CSMD1: variants seen among roughly 807,000 people sequenced by gnomAD.
The protein encoded by CSMD1 is CUB and Sushi multiple domains 1, also known as CUB and sushi domain-containing protein 1.
CSMD1 carries 213 observed loss-of-function variants against 417.5 expected under a neutral mutation model. The observed-to-expected ratio is 0.51, with a 90% CI of 0.46 to 0.57. The LOEUF is 0.57. Among genes scored for constraint, CSMD1 ranks in the 20% least tolerant of loss-of-function variants. The probability of loss-of-function intolerance (pLI) is 0.00; values close to 1 mark genes in which losing one functional copy is unlikely to be tolerated. For missense variants in CSMD1, 6,923 were observed against 4,529.7 expected (o/e 1.53, Z -15.17); for synonymous variants, 2,862 against 1,736.8 (o/e 1.65, Z -16.11).
chr8:4,451,799 T>C (rs13278962), intron 2 of CSMD1, among the ~76,000 whole-genome samples: 34,509 of 151,954 alleles, frequency 0.23, 4,352 homozygotes, highest in Middle Eastern at 0.32. Context: ...CACAATGCCA[T>C]CTTAAAGGAT....
chr8:3,517,167 T>A (rs989761769), intron 10 of CSMD1, among the ~76,000 whole-genome samples: 1 of 152,292 alleles, frequency 6.6e-6, no homozygotes, highest in East Asian at 1.9e-4. Context: ...TCATCCCTTC[T>A]CATGCCTGTC....
intron 3 of CSMD1, among the ~76,000 whole-genome samples, chr8:4,180,931 T>G (rs966399613): frequency 6.6e-6 from 1 of 152,188 alleles, no homozygotes; most frequent in Non-Finnish European, 1.5e-5. Context: ...GTGCCAAAAT[T>G]GCCCCACTCT....
intron 2 of CSMD1, among the ~76,000 whole-genome samples, chr8:4,518,297 G>A (rs951408666): frequency 2.0e-5 from 3 of 152,116 alleles, no homozygotes; most frequent in Non-Finnish European, 4.4e-5. Flanking sequence ...GCAGCAGAGT[G>A]AGGTAAAAGC....
intron 7 of CSMD1, among the ~76,000 whole-genome samples, chr8:3,682,082 A>C (rs1799693497): frequency 6.6e-6 from 1 of 152,212 alleles, no homozygotes; most frequent in African/African-American, 2.4e-5. Flanking sequence ...TAAAATCGTA[A>C]AAACCCTAGA....
intron 12 of CSMD1, among the ~76,000 whole-genome samples, chr8:3,448,454 GAGCAAAGA>G (rs1469692895): frequency 5.3e-5 from 8 of 151,606 alleles, no homozygotes; most frequent in Admixed American, 3.9e-4. Flanking sequence ...GACTGTGGAG[GAGCAAAGA>G]AGAGATGTTC....
intron 1 of CSMD1, among the ~76,000 whole-genome samples, chr8:4,824,546 A>G (rs1205096695): frequency 6.6e-6 from 1 of 152,194 alleles, no homozygotes; most frequent in Non-Finnish European, 1.5e-5. Flanking sequence ...AGTTCTATTA[A>G]TAATTACACC....
At chr8:3,944,080 T>C (rs945254047) in intron 5 of CSMD1, among the ~76,000 whole-genome samples, 1 of 152,140 alleles carries the variant, frequency 6.6e-6, no homozygotes, top group African/African-American at 2.4e-5. Context: ...AAGAAAAATA[T>C]ACAGTGAGAA....
chr8:4,374,966 G>GGGGA (rs1802634334), intron 3 of CSMD1, among the ~76,000 whole-genome samples: 2 of 129,462 alleles, frequency 1.5e-5, no homozygotes, highest in African/African-American at 5.4e-5. Context: ...TGGGGTGGGG[G>GGGGA]GGGGGGGCGA....
At position 4,031,934 on chromosome 8, in the gene CSMD1, G is replaced by C. The variant is rs182008127; in HGVS notation, c.581C>G (p.Ser194Trp). The part of the protein sequence containing the change: ...TCIVSPGNGA[S>W]WDFPAPFCRA... ...GCAAAAGGGAGCTGGGAAGTCCCAC[G>C]ATGCACCATTTCCTGGGCTGACGAT... The change falls in exon 4 of 70, where the codon TCG becomes TGG. Residue 194 changes from serine to tryptophan, a missense_variant. Ser to Trp is a radical substitution (Grantham distance 177). Transcript: ENST00000635120. 3.1e-6 allele frequency: 5 copies of C among 1,613,792 alleles called. No homozygotes were observed. The highest frequency in any genetic ancestry group is 2.2e-5 in the South Asian group (2 of 91,066).
At chr8:3,473,977 C>A (rs1305845291) in intron 11 of CSMD1, among the ~76,000 whole-genome samples, 1 of 152,058 alleles carries the variant, frequency 6.6e-6, no homozygotes, top group Non-Finnish European at 1.5e-5. Flanking sequence ...ACCATCAGAT[C>A]TAGTAAAAAC....
At chr8:3,991,322 T>C (rs1471431931) in intron 5 of CSMD1, among the ~76,000 whole-genome samples, 2 of 152,206 alleles carry the variant, frequency 1.3e-5, no homozygotes, top group African/African-American at 4.8e-5. Context: ...GGTACCTAGG[T>C]TGTGGCGTAG....
At chr8:3,429,737 A>G (rs1165429723) in intron 12 of CSMD1, among the ~76,000 whole-genome samples, 5 of 152,180 alleles carry the variant, frequency 3.3e-5, no homozygotes, top group Non-Finnish European at 7.3e-5. Context: ...TTTCAGCGTA[A>G]AATTTTCTAT....
chr8:3,600,475 A>C lies in CSMD1; in HGVS notation c.1098-14215T>G, dbSNP rs560813716. ...AGGGTCAAGTGTATCAGAATCATTC[A>C]GGGTTGATTGGAAAAGGGACGCCAA... is the stretch of plus-strand genomic sequence containing the variant. On this transcript the variant is annotated intron_variant, in intron 8 of 69. Coordinates refer to ENST00000635120, the MANE Select transcript of CSMD1 (RefSeq NM_033225.6). Among the ~76,000 whole-genome samples, 17 of 152,334 alleles carry C rather than the reference A, an allele frequency of 1.1e-4. No homozygotes were observed. The East Asian group carries it at 2.9e-3, about 26-fold the overall frequency.
At chr8:4,371,657 A>G (rs557446462) in intron 3 of CSMD1, among the ~76,000 whole-genome samples, 13 of 152,342 alleles carry the variant, frequency 8.5e-5, no homozygotes, top group South Asian at 2.1e-4. Context: ...CTTACGTCTT[A>G]AAGTTCTTAT....
intron 3 of CSMD1, among the ~76,000 whole-genome samples, chr8:4,042,010 G>A (rs986911863): frequency 6.6e-5 from 10 of 151,920 alleles, no homozygotes; most frequent in African/African-American, 2.4e-4. Flanking sequence ...GCAAAACTAA[G>A]AGCACAGAGA....
At chr8:3,407,579 A>G (rs1812432654) in intron 14 of CSMD1, among the ~76,000 whole-genome samples, 1 of 152,008 alleles carries the variant, frequency 6.6e-6, no homozygotes. Flanking sequence ...TGGTGGGTGC[A>G]TGGATGGATA....
At chr8:4,296,137 G>A (rs771947210) in intron 3 of CSMD1, among the ~76,000 whole-genome samples, 3 of 152,058 alleles carry the variant, frequency 2.0e-5, no homozygotes, top group Admixed American at 1.3e-4. Context: ...AATAAGAAGC[G>A]AAAATGGAAG....
intron 3 of CSMD1, among the ~76,000 whole-genome samples, chr8:4,126,317 G>A (rs185615533): frequency 6.6e-6 from 1 of 152,296 alleles, no homozygotes; most frequent in South Asian, 2.1e-4. Context: ...AATTGGCTCT[G>A]TCTGGGCAGG....
chr8:3,431,770 T>G (rs1499691), intron 12 of CSMD1, among the ~76,000 whole-genome samples: 105,796 of 152,008 alleles, frequency 0.7, 37,210 homozygotes, highest in Non-Finnish European at 0.75. Context: ...GTTCAATGAC[T>G]TTGAAAATTT....
Sources: gnomAD v4.1 joint callset for allele counts (sites outside exome capture counted in the v4.1 genomes callset) on GRCh38, gnomAD v4.1.1 for gene constraint, MANE v1.5 for transcripts, NCBI Gene and HGNC (gene_info 2026-07-23, HGNC 2026-07-21) for gene names.